Variants in AGBL4 observed in about 807,000 individuals in gnomAD.
AGBL4 encodes the protein cytosolic carboxypeptidase 6.
AGBL4 carries 58 observed loss-of-function variants against 66.4 expected under a neutral mutation model. The observed-to-expected ratio is 0.87, with a 90% CI of 0.71 to 1.09. The LOEUF (loss-of-function observed/expected upper bound fraction) is 1.09, where lower values mean the gene tolerates loss of function less well. Ranked by LOEUF, AGBL4 falls within the 50% of genes least tolerant of loss-of-function variation. The pLI is 0.00. For synonymous variants in AGBL4, 234 were observed against 222.9 expected, an observed-to-expected ratio of 1.05 and a Z score of -0.44; for missense variants, 579 against 631.0, an observed-to-expected ratio of 0.92 and a Z score of 0.88.
At chr1:48,685,661 C>T (rs966341177) in intron 6 of AGBL4, among the ~76,000 whole-genome samples, 27 of 152,142 alleles carry the variant, frequency 1.8e-4, no homozygotes, top group African/African-American at 6.5e-4. Context: ...CTCTTATGAG[C>T]ATTACAAGGA....
intron 6 of AGBL4, among the ~76,000 whole-genome samples, chr1:48,739,266 A>G (rs1321186798): frequency 6.6e-6 from 1 of 152,240 alleles, no homozygotes; most frequent in Non-Finnish European, 1.5e-5. Context: ...CGACAGATTA[A>G]GTTCCCTAAA....
chr1:49,381,083 C>T (rs1407896244), intron 3 of AGBL4, among the ~76,000 whole-genome samples: 9 of 152,036 alleles, frequency 5.9e-5, no homozygotes, highest in Admixed American at 1.3e-4. Flanking sequence ...AGAAAATTTT[C>T]GCAACCTACT....
chr1:49,127,428 G>A (rs753658009), intron 4 of AGBL4, among the ~76,000 whole-genome samples: 7 of 152,176 alleles, frequency 4.6e-5, no homozygotes, highest in South Asian at 2.1e-4. Context: ...CCTCAAAAAC[G>A]TATGAAAATT....
At chr1:49,902,425 A>C (rs1649848477) in intron 1 of AGBL4, among the ~76,000 whole-genome samples, 1 of 152,234 alleles carries the variant, frequency 6.6e-6, no homozygotes, top group South Asian at 2.1e-4. Context: ...AAGCATATGA[A>C]AAAATGCTCA....
chr1:49,376,280 C>G (rs1190746067), intron 3 of AGBL4, among the ~76,000 whole-genome samples: 1 of 152,024 alleles, frequency 6.6e-6, no homozygotes, highest in Admixed American at 6.6e-5. Context: ...CTCCTCTCAG[C>G]CTGCTTGTAT....
chr1:48,612,695 A>G (rs906100585), intron 9 of AGBL4, among the ~76,000 whole-genome samples: 2 of 152,276 alleles, frequency 1.3e-5, no homozygotes, highest in Admixed American at 6.5e-5. Flanking sequence ...TTTAAAAAAC[A>G]GAAATACACT....
At chr1:49,405,515 G>T (rs1645177886) in intron 3 of AGBL4, among the ~76,000 whole-genome samples, 1 of 152,118 alleles carries the variant, frequency 6.6e-6, no homozygotes, top group Non-Finnish European at 1.5e-5. Flanking sequence ...GAACCATGGT[G>T]CCTAGTAAAT....
At chr1:49,114,246 C>A (rs533448142) in intron 4 of AGBL4, among the ~76,000 whole-genome samples, 2 of 152,316 alleles carry the variant, frequency 1.3e-5, no homozygotes, top group African/African-American at 4.8e-5. Flanking sequence ...TGCTGCTTCA[C>A]CTTGCACTTT....
intron 5 of AGBL4, among the ~76,000 whole-genome samples, chr1:48,945,767 G>A (rs1408148137): frequency 6.6e-6 from 1 of 152,182 alleles, no homozygotes; most frequent in Non-Finnish European, 1.5e-5. Flanking sequence ...AGTCAGTAGA[G>A]CAGAATATTA....
chr1:49,488,841 T>A (rs1192260607), intron 3 of AGBL4, among the ~76,000 whole-genome samples: 1 of 151,630 alleles, frequency 6.6e-6, no homozygotes, highest in African/African-American at 2.4e-5. Context: ...CAGTTCCATC[T>A]ATGTTGTTGC....
At chr1:49,121,072 T>C (rs1050663708) in intron 4 of AGBL4, among the ~76,000 whole-genome samples, 7 of 152,184 alleles carry the variant, frequency 4.6e-5, no homozygotes, top group African/African-American at 1.4e-4. Context: ...ATTTCAGGTC[T>C]TCTATATACT....
intron 5 of AGBL4, among the ~76,000 whole-genome samples, chr1:49,041,716 C>G (rs1047561440): frequency 6.6e-6 from 1 of 152,058 alleles, no homozygotes; most frequent in Non-Finnish European, 1.5e-5. Context: ...AAGTAAGAAA[C>G]CCGGTATGTG....
rs188324244 is a variant in AGBL4 at position 49,292,974 on chromosome 1, T to G, written c.283-47110A>C. Among the ~76,000 whole-genome samples, 4 of 152,276 alleles carry G rather than the reference T, an allele frequency of 2.6e-5. No individual in the cohort carries two copies. In the East Asian group the frequency reaches 7.7e-4, roughly 29 times the overall value. On this transcript the variant is annotated intron_variant, in intron 3 of 13. Coordinates refer to ENST00000371839, the MANE Select transcript of AGBL4 (RefSeq NM_032785.4). ...ACTGAAACACATCCCTTGCTTGCCA[T>G]GTTGTGGGCAAAGAAAAGGAGAAAA...
At chr1:49,957,250 T>A (rs1468097122) in intron 1 of AGBL4, among the ~76,000 whole-genome samples, 1 of 152,082 alleles carries the variant, frequency 6.6e-6, no homozygotes, top group East Asian at 1.9e-4. Flanking sequence ...GCAGATCTTT[T>A]ACATTTGCTA....
chr1:49,693,726 C>CA (rs2124603480), intron 3 of AGBL4, among the ~76,000 whole-genome samples: 1 of 151,836 alleles, frequency 6.6e-6, no homozygotes, highest in Admixed American at 6.6e-5. Context: ...TAAAAAAATA[C>CA]AAAAAAGAAA....
At chr1:48,600,951 G>T (rs1275254980) in intron 9 of AGBL4, among the ~76,000 whole-genome samples, 1 of 152,164 alleles carries the variant, frequency 6.6e-6, no homozygotes. Flanking sequence ...GCCTTCCTTT[G>T]CTTCCATTCC....
chr1:49,147,121 G>A lies in AGBL4; in HGVS notation c.377+98649C>T, dbSNP rs183860678. On this transcript the variant is annotated intron_variant, in intron 4 of 13. Coordinates refer to ENST00000371839, the MANE Select transcript of AGBL4 (RefSeq NM_032785.4). ...ACAGATGTCTGCAAGGTGGTGGGGT[G>A]GGGGAGGAGACATCACAGAAATATC... Among the ~76,000 whole-genome samples, 567 of 152,266 alleles carry A rather than the reference G, an allele frequency of 3.7e-3. 3 individuals carry two copies. The highest frequency in any genetic ancestry group is 0.012 in the African/African-American group (512 of 41,548).
intron 3 of AGBL4, among the ~76,000 whole-genome samples, chr1:49,517,004 A>T (rs1649882565): frequency 6.6e-6 from 1 of 152,022 alleles, no homozygotes; most frequent in South Asian, 2.1e-4. Flanking sequence ...TTCCGTTTAC[A>T]TTATTCCTAT....
chr1:48,846,598 A>C (rs1035785648), intron 6 of AGBL4, among the ~76,000 whole-genome samples: 1 of 152,132 alleles, frequency 6.6e-6, no homozygotes, highest in Non-Finnish European at 1.5e-5. Flanking sequence ...GACTTTTGGC[A>C]CGCCCTTTCT....
Sources: allele counts gnomAD v4.1 joint callset (sites outside exome capture counted in the v4.1 genomes callset), GRCh38; gene constraint gnomAD v4.1.1; transcripts MANE v1.5; gene names NCBI Gene and HGNC (gene_info 2026-07-23, HGNC 2026-07-21).